ANGPT1: variants seen among roughly 807,000 people sequenced by gnomAD.
ANGPT1 encodes the protein angiopoietin-1.
A neutral mutation model predicts 62.2 loss-of-function variants in ANGPT1; 17 were observed. The ratio of observed to expected loss-of-function variants is 0.27; its 90% CI spans 0.19 to 0.41. The LOEUF (loss-of-function observed/expected upper bound fraction) is 0.41, where lower values mean the gene tolerates loss of function less well. ANGPT1 is among the 10% of genes least tolerant of loss of function. The probability of loss-of-function intolerance (pLI) is 1.00; values close to 1 mark genes in which losing one functional copy is unlikely to be tolerated. For synonymous variants in ANGPT1, 199 were observed against 198.9 expected (o/e 1.00, Z 0.00); for missense variants, 478 against 594.9 (o/e 0.80, Z 2.04).
At chr8:107,468,071 C>T (rs1034107344) in intron 1 of ANGPT1, among the ~76,000 whole-genome samples, 4 of 152,090 alleles carry the variant, frequency 2.6e-5, no homozygotes, top group Non-Finnish European at 5.9e-5. Flanking sequence ...GAATCTACAA[C>T]TTGATACAGA....
At chr8:107,426,234 G>A (rs1046398167) in intron 1 of ANGPT1, among the ~76,000 whole-genome samples, 4 of 152,100 alleles carry the variant, frequency 2.6e-5, no homozygotes. Flanking sequence ...TTCACTCACT[G>A]CCAGATAAAT....
intron 1 of ANGPT1, among the ~76,000 whole-genome samples, chr8:107,449,898 G>A (rs1188334789): frequency 6.6e-6 from 1 of 151,944 alleles, no homozygotes; most frequent in African/African-American, 2.4e-5. Flanking sequence ...ATTTTCTTTG[G>A]GTTAGACTTG....
At chr8:107,474,973 T>C (rs1237821560) in intron 1 of ANGPT1, among the ~76,000 whole-genome samples, 2 of 152,188 alleles carry the variant, frequency 1.3e-5, no homozygotes, top group Admixed American at 6.6e-5. Flanking sequence ...TGCTCATGGA[T>C]AGGAAGAATC....
chr8:107,435,154 A>C (rs183180552), intron 1 of ANGPT1, among the ~76,000 whole-genome samples: 1 of 152,312 alleles, frequency 6.6e-6, no homozygotes, highest in East Asian at 1.9e-4. Flanking sequence ...GAGTGACAGA[A>C]ATGTTCAGAA....
chr8:107,255,692 G>A (rs1169451706), intron 8 of ANGPT1, among the ~76,000 whole-genome samples: 3 of 152,108 alleles, frequency 2.0e-5, no homozygotes, highest in South Asian at 2.1e-4. Flanking sequence ...AACTGCTTAA[G>A]GTCACATTCA....
At chr8:107,420,319 T>C (rs1410440315) in intron 1 of ANGPT1, among the ~76,000 whole-genome samples, 2 of 152,164 alleles carry the variant, frequency 1.3e-5, no homozygotes, top group South Asian at 2.1e-4. Flanking sequence ...CAGTTCAATG[T>C]AAAAAGTGTT....
intron 8 of ANGPT1, among the ~76,000 whole-genome samples, chr8:107,262,206 A>C (rs974939939): frequency 6.6e-6 from 1 of 152,152 alleles, no homozygotes; most frequent in African/African-American, 2.4e-5. Context: ...AAAAAATGAT[A>C]ATCATCATCA....
chr8:107,385,746 A>G (rs1816719915), intron 1 of ANGPT1, among the ~76,000 whole-genome samples: 1 of 152,048 alleles, frequency 6.6e-6, no homozygotes, highest in Non-Finnish European at 1.5e-5. Context: ...TTGCCTGTTC[A>G]GTACGATGTT....
chr8:107,430,717 A>G (rs1811162530), intron 1 of ANGPT1, among the ~76,000 whole-genome samples: 1 of 152,206 alleles, frequency 6.6e-6, no homozygotes, highest in African/African-American at 2.4e-5. Context: ...TCAGCGGGTC[A>G]GGGTTTATAG....
intron 1 of ANGPT1, among the ~76,000 whole-genome samples, chr8:107,441,855 G>A (rs1426598180): frequency 1.3e-5 from 2 of 152,146 alleles, no homozygotes; most frequent in East Asian, 3.9e-4. Flanking sequence ...GGAGGCCGAG[G>A]TGGGTAGATC....
At position 107,264,287 on chromosome 8, in the gene ANGPT1, C is replaced by T. The variant is rs753406610; in HGVS notation, c.1270G>A (p.Asp424Asn). ...TTATCAGCATCTTTAGTGCTGAAAT[C>T]AGCACCGTGTAAGATCAGGCTGCTC... ...KQSSLILHGA[D>N]FSTKDADNDN... Residue 424 changes from aspartate to asparagine, a missense_variant, in exon 8 of 9, where the codon GAT becomes AAT. Around this residue, in one of 4 missense-constraint regions of ANGPT1, gnomAD observed 19 missense variants for 72.9 expected, o/e 0.26. Coordinates refer to ENST00000517746, the MANE Select transcript of ANGPT1 (RefSeq NM_001146.5). 2.6e-5 allele frequency: 42 copies of T among 1,614,004 alleles called. 1 individual carries two copies. In the South Asian group the frequency reaches 4.6e-4, roughly 18 times the overall value.
chr8:107,365,917 A>G (rs529631312), intron 1 of ANGPT1, among the ~76,000 whole-genome samples: 30 of 152,052 alleles, frequency 2.0e-4, no homozygotes, highest in African/African-American at 6.8e-4. Flanking sequence ...ACAAATAGAA[A>G]TAAAAGTTTC....
chr8:107,308,109 A>T (rs542560547), intron 4 of ANGPT1, among the ~76,000 whole-genome samples: 23 of 152,156 alleles, frequency 1.5e-4, no homozygotes, highest in Middle Eastern at 6.8e-3. Context: ...ATTGATGGAC[A>T]TTTGCTATTT....
chr8:107,299,242 A>C (rs1300799817), intron 5 of ANGPT1, among the ~76,000 whole-genome samples: 4 of 151,174 alleles, frequency 2.6e-5, no homozygotes, highest in African/African-American at 9.7e-5. Flanking sequence ...CCTCTGATTA[A>C]AAGGGTGTAT....
Position 107,390,738 on chromosome 8 carries a change from T to C in ANGPT1, c.298-43641A>G, listed in dbSNP as rs112824523. On this transcript the variant is annotated intron_variant, in intron 1 of 8. Transcript: ENST00000517746. ...TACAAATAATAACTCACGTAATTCT[T>C]AGAACAACTCTTTGAGGTAAGCACT... 1.9e-3 allele frequency among the ~76,000 whole-genome samples: 287 copies of C among 152,316 alleles called. 1 individual carries two copies. Among genetic ancestry groups the C allele is most frequent in the African/African-American group, 6.4e-3 (265 of 41,568 alleles).
intron 1 of ANGPT1, among the ~76,000 whole-genome samples, chr8:107,417,985 T>G (rs912358036): frequency 1.3e-5 from 2 of 152,156 alleles, no homozygotes; most frequent in African/African-American, 4.8e-5. Flanking sequence ...CTCTGCAAAT[T>G]GGCATTTAGA....
intron 1 of ANGPT1, among the ~76,000 whole-genome samples, chr8:107,378,789 A>G (rs985847091): frequency 6.6e-6 from 1 of 152,088 alleles, no homozygotes; most frequent in Non-Finnish European, 1.5e-5. Context: ...TTCACCTTCC[A>G]CCATGATTGT....
At chr8:107,285,778 A>G (rs1170446748) in intron 6 of ANGPT1, among the ~76,000 whole-genome samples, 2 of 151,998 alleles carry the variant, frequency 1.3e-5, no homozygotes, top group East Asian at 3.8e-4. Context: ...TGCCTCAGAA[A>G]ATACTCATTG....
At chr8:107,419,417 A>G (rs1176585612) in intron 1 of ANGPT1, among the ~76,000 whole-genome samples, 4 of 152,118 alleles carry the variant, frequency 2.6e-5, no homozygotes, top group Admixed American at 6.6e-5. Context: ...ATCTGCATAA[A>G]CAGGTTTTGC....
Sources: gnomAD v4.1 joint callset for allele counts (sites outside exome capture counted in the v4.1 genomes callset) on GRCh38, gnomAD v4.1.1 for gene constraint, gnomAD v4.1.1 regional missense constraint, MANE v1.5 for transcripts, NCBI Gene and HGNC (gene_info 2026-07-23, HGNC 2026-07-21) for gene names.